SH2D4A: variants seen among roughly 807,000 people sequenced by gnomAD.
SH2D4A encodes the protein SH2 domain-containing protein 4A.
A neutral mutation model predicts 64.7 loss-of-function variants in SH2D4A; 70 were observed. That is an observed-to-expected ratio of 1.08 (90% CI 0.89 to 1.32). SH2D4A has a LOEUF of 1.32. Ranked by LOEUF, SH2D4A falls within the 40% of genes most tolerant of loss-of-function variation. The pLI is 0.00. For synonymous variants in SH2D4A, 268 were observed against 200.7 expected (o/e 1.34, Z -2.83); for missense variants, 706 against 540.1 (o/e 1.31, Z -3.04).
At chr8:19,388,193 C>G (rs1291230282) in intron 8 of SH2D4A, among the ~76,000 whole-genome samples, 1 of 152,158 alleles carries the variant, frequency 6.6e-6, no homozygotes, top group African/African-American at 2.4e-5. Flanking sequence ...GAGTTAAAAG[C>G]AAAACCCCAG....
At chr8:19,325,678 C>A (rs1440922221) in intron 2 of SH2D4A, among the ~76,000 whole-genome samples, 1 of 152,180 alleles carries the variant, frequency 6.6e-6, no homozygotes, top group African/African-American at 2.4e-5. Flanking sequence ...CTATACTGCC[C>A]TCTGCTTCCC....
At chr8:19,339,495 CTTTTTT>C (rs5889867) in intron 4 of SH2D4A, among the ~76,000 whole-genome samples, 39 of 129,008 alleles carry the variant, frequency 3.0e-4, no homozygotes, top group African/African-American at 9.1e-4. Flanking sequence ...TATAAACTTT[CTTTTTT>C]TTTTTTTTTT....
chr8:19,341,844 C>CAA (rs35856719), intron 4 of SH2D4A, among the ~76,000 whole-genome samples: 13,476 of 83,152 alleles, frequency 0.16, 905 homozygotes, highest in Middle Eastern at 0.23. Context: ...CTTGTCTTAA[C>CAA]AAAAAAAAAA....
At position 19,339,670 on chromosome 8, in the gene SH2D4A, T is replaced by C. The variant is rs1011595377; in HGVS notation, c.513+4813T>C. On this transcript the variant is annotated intron_variant, in intron 4 of 9. Transcript: ENST00000265807. ...ACAGGCCACCACCCCCAGCCAATTT[T>C]AACAATTTTTTATAGTGATGGGATC... Among the ~76,000 whole-genome samples, 3 of 151,982 alleles carry C rather than the reference T, an allele frequency of 2.0e-5. No individual in the cohort carries two copies. In the East Asian group the frequency reaches 5.8e-4, roughly 29 times the overall value.
At chr8:19,349,275 A>T (rs564289680) in intron 4 of SH2D4A, among the ~76,000 whole-genome samples, 114 of 152,374 alleles carry the variant, frequency 7.5e-4, no homozygotes, top group Non-Finnish European at 1.5e-3. Context: ...GTGTAACTGT[A>T]ATAGAATTTC....
intron 8 of SH2D4A, among the ~76,000 whole-genome samples, chr8:19,385,458 C>T (rs1405845543): frequency 6.6e-6 from 1 of 152,150 alleles, no homozygotes; most frequent in African/African-American, 2.4e-5. Context: ...ACCTTGGCCT[C>T]CCAAAGTGCT....
At chr8:19,335,236 C>A (rs914268666) in intron 4 of SH2D4A, among the ~76,000 whole-genome samples, 2 of 151,702 alleles carry the variant, frequency 1.3e-5, no homozygotes, top group Non-Finnish European at 2.9e-5. Context: ...TGCAGTGAGC[C>A]GAGATTGCGA....
intron 8 of SH2D4A, among the ~76,000 whole-genome samples, chr8:19,381,900 T>A (rs2053299021): frequency 6.6e-6 from 1 of 152,142 alleles, no homozygotes; most frequent in Non-Finnish European, 1.5e-5. Context: ...GAGATGAGCA[T>A]GTATTTTTTT....
chr8:19,390,399 T>TAATC lies in SH2D4A; in HGVS notation c.1049-2915_1049-2912dup, dbSNP rs2053471564. On this transcript the variant is annotated intron_variant, in intron 8 of 9. Transcript: ENST00000265807. ...AAGAAAACGTGGAATAAGTCCTCAG[T>TAATC]AATCAATATCTAACATTAGATTTTG... 2.0e-5 allele frequency among the ~76,000 whole-genome samples: 3 copies of TAATC among 152,258 alleles called. No individual in the cohort carries two copies. In the South Asian group the frequency reaches 6.2e-4, roughly 32 times the overall value.
At chr8:19,318,859 T>C (rs2052134403) in intron 1 of SH2D4A, among the ~76,000 whole-genome samples, 1 of 152,236 alleles carries the variant, frequency 6.6e-6, no homozygotes, top group African/African-American at 2.4e-5. Context: ...TTCTTCCTTT[T>C]TCTTCCTTGA....
chr8:19,367,634 C>T (rs1030093496), intron 7 of SH2D4A, among the ~76,000 whole-genome samples: 1 of 152,078 alleles, frequency 6.6e-6, no homozygotes, highest in Non-Finnish European at 1.5e-5. Context: ...TTGTCAGATA[C>T]ATAGTTTATG....
At chr8:19,359,258 C>T (rs939865448) in intron 5 of SH2D4A, among the ~76,000 whole-genome samples, 3 of 152,066 alleles carry the variant, frequency 2.0e-5, no homozygotes, top group Non-Finnish European at 2.9e-5. Flanking sequence ...TGTGCATGTA[C>T]ATAATTACAT....
At chr8:19,315,857 C>G (rs944815231) in intron 1 of SH2D4A, among the ~76,000 whole-genome samples, 2 of 152,194 alleles carry the variant, frequency 1.3e-5, no homozygotes, top group Non-Finnish European at 2.9e-5. Context: ...CTGGCTCCAC[C>G]AGGCTCCTTC....
chr8:19,374,769 C>G (rs559409436), intron 8 of SH2D4A, among the ~76,000 whole-genome samples: 45 of 152,222 alleles, frequency 3.0e-4, no homozygotes, highest in Non-Finnish European at 5.7e-4. Flanking sequence ...TCCTTCCTTT[C>G]TGCTTGAAGA....
chr8:19,365,240 G>A (rs1426113214), intron 7 of SH2D4A, among the ~76,000 whole-genome samples: 2 of 152,224 alleles, frequency 1.3e-5, no homozygotes, highest in East Asian at 3.9e-4. Flanking sequence ...GTTTTTCTTT[G>A]CTGTAATTAT....
intron 4 of SH2D4A, among the ~76,000 whole-genome samples, chr8:19,349,511 A>G (rs1405472749): frequency 6.6e-6 from 1 of 152,192 alleles, no homozygotes; most frequent in East Asian, 1.9e-4. Context: ...ATTGTGGGAG[A>G]TATTAGCATT....
At position 19,362,620 on chromosome 8, in the gene SH2D4A, G is replaced by A. The variant is rs180879498; in HGVS notation, c.706+1306G>A. 5.0e-3 allele frequency among the ~76,000 whole-genome samples: 757 copies of A among 151,980 alleles called. 5 individuals are homozygous for A. The highest frequency in any genetic ancestry group is 0.017 in the African/African-American group (714 of 41,478). On this transcript the variant is annotated intron_variant, in intron 6 of 9. Transcript: ENST00000265807. Reference sequence around the variant, plus strand: ...CTGGTTGTGGTGGCGTACACCTGTAGTCCCAGCTACTCAGGAGGCTGAGGC... The same window carrying A: ...CTGGTTGTGGTGGCGTACACCTGTAATCCCAGCTACTCAGGAGGCTGAGGC...
At chr8:19,331,794 C>G (rs777718400) in intron 2 of SH2D4A, among the ~76,000 whole-genome samples, 2 of 152,166 alleles carry the variant, frequency 1.3e-5, no homozygotes, top group Non-Finnish European at 2.9e-5. Context: ...TATTGGTATT[C>G]CCATTTTGCA....
chr8:19,371,116 A>C (rs927188305), intron 7 of SH2D4A, among the ~76,000 whole-genome samples: 2 of 152,008 alleles, frequency 1.3e-5, no homozygotes, highest in Admixed American at 1.3e-4. Flanking sequence ...CTTCATATTA[A>C]GTTCGTTTTT....
Sources: allele counts gnomAD v4.1 joint callset (sites outside exome capture counted in the v4.1 genomes callset), GRCh38; gene constraint gnomAD v4.1.1; transcripts MANE v1.5; gene names NCBI Gene and HGNC (gene_info 2026-07-23, HGNC 2026-07-21).